FRMD1: variants seen among roughly 807,000 people sequenced by gnomAD.
The protein encoded by FRMD1 is FERM domain containing 1.
FRMD1 carries 51 observed loss-of-function variants against 54.9 expected under a neutral mutation model. The observed-to-expected ratio is 0.93, with a 90% CI of 0.74 to 1.17. The LOEUF is 1.17. Ranked by LOEUF, FRMD1 falls within the 50% of genes most tolerant of loss-of-function variation. The pLI, the probability that FRMD1 is intolerant of heterozygous loss-of-function variation, is 0.00. For missense variants in FRMD1, 729 were observed against 743.0 expected (o/e 0.98, Z 0.22); for synonymous variants, 324 against 306.4 (o/e 1.06, Z -0.60).
intron 10 of FRMD1, 33 bp from the exon 11 acceptor site, chr6:168,057,372 GC>G: frequency 6.3e-7 from 1 of 1,598,662 alleles, no homozygotes. Flanking sequence ...GAGGCCTGCT[GC>G]CCCCTCTCAC....
At chr6:168,084,833 C>A, upstream of FRMD1, among the ~76,000 whole-genome samples, 1 of 152,380 alleles carries the variant, frequency 6.6e-6, no homozygotes, top group South Asian at 2.1e-4. Context: ...CCTCCCACCT[C>A]ATTCCTCCCC....
intron 7 of FRMD1, chr6:168,062,629 T>C: frequency 6.5e-7 from 1 of 1,532,842 alleles, no homozygotes; most frequent in Non-Finnish European, 8.8e-7. Flanking sequence ...AAGCTGCATC[T>C]GCCCAGGCTT....
At chr6:168,074,174 C>T (rs540620088) in intron 2 of FRMD1, among the ~76,000 whole-genome samples, 5 of 152,248 alleles carry the variant, frequency 3.3e-5, no homozygotes, top group South Asian at 2.1e-4. Context: ...CACGGCTCTT[C>T]CATGCGACAC....
upstream of FRMD1, among the ~76,000 whole-genome samples, chr6:168,085,540 G>A (rs4708640): frequency 0.79 from 119,620 of 152,224 alleles, 47,081 homozygotes; most frequent in Middle Eastern, 0.85. Flanking sequence ...TCCCCAGGAC[G>A]GGCCACTGGG....
At chr6:168,087,271 G>T (rs1394064203) in intron 1 of FRMD1, among the ~76,000 whole-genome samples, 1 of 152,138 alleles carries the variant, frequency 6.6e-6, no homozygotes, top group Non-Finnish European at 1.5e-5. Context: ...GTTTCTCCAT[G>T]TTGCCCAGAC....
intron 1 of FRMD1, chr6:168,075,762 G>A (rs12529869): frequency 2.6e-6 from 4 of 1,550,482 alleles, no homozygotes; most frequent in African/African-American, 2.7e-5. Flanking sequence ...CAACTGATGC[G>A]AGTGATCCCA....
At chr6:168,075,698 G>T in intron 1 of FRMD1, 1 of 1,462,112 alleles carries the variant, frequency 6.8e-7, no homozygotes, top group Non-Finnish European at 9.4e-7. Flanking sequence ...CGGCACAAAT[G>T]AATGCTTGGT....
upstream of FRMD1, among the ~76,000 whole-genome samples, chr6:168,080,736 C>A (rs377274083): frequency 3.3e-5 from 5 of 151,946 alleles, no homozygotes; most frequent in African/African-American, 1.2e-4. Context: ...TGGGGAGAGC[C>A]GGGGACACGG....
rs368365156 is a variant in FRMD1 at position 168,063,584 on chromosome 6, G to A, written c.804+17C>T. 6.3e-7 allele frequency: 1 copy of A among 1,598,530 alleles called. No individual in the cohort carries two copies. The highest frequency in any genetic ancestry group is 8.5e-7 in the Non-Finnish European group (1 of 1,172,924). Reference sequence around the variant, plus strand: ...GGAGTCAGAGTCCAGCCCATCGCTGGCCGCCCTGGGCTCGACCTTGTGCAG... The same window carrying A: ...GGAGTCAGAGTCCAGCCCATCGCTGACCGCCCTGGGCTCGACCTTGTGCAG... On this transcript the variant is annotated intron_variant, in intron 6 of 10. Transcript: ENST00000283309.
chr6:168,088,892 C>T (rs952612763), intron 1 of FRMD1, among the ~76,000 whole-genome samples: 1 of 152,108 alleles, frequency 6.6e-6, no homozygotes, highest in Non-Finnish European at 1.5e-5. Flanking sequence ...TCCTTGTGTC[C>T]GTGTGACCCA....
At chr6:168,075,721 C>T (rs1229295035) in intron 1 of FRMD1, 6 of 1,527,684 alleles carry the variant, frequency 3.9e-6, no homozygotes, top group African/African-American at 1.4e-5. Context: ...CCCATGAGCG[C>T]GAGCATCGGT....
Position 168,060,874 on chromosome 6 carries a change from GAT to G in FRMD1, c.1227_1228del (p.Glu409AspfsTer17). The G allele has an allele frequency of 6.2e-7, 1 of 1,613,826 alleles. No homozygotes were observed. Among genetic ancestry groups the G allele is most frequent in the Non-Finnish European group, 8.5e-7 (1 of 1,180,030 alleles). On this transcript the variant is annotated frameshift_variant, in exon 9 of 11. Transcript: ENST00000283309. LOFTEE classifies it high-confidence loss of function. ...GGGCACGTCCACAGACATCTCTCTG[GAT>G]TCCCTGAGCCAGGAGTTGGCCTTGA...
intron 4 of FRMD1, chr6:168,066,269 C>T (rs917986709): frequency 2.3e-5 from 21 of 928,494 alleles, no homozygotes; most frequent in South Asian, 1.5e-4. Context: ...GAGGTCGAGG[C>T]GGGTGGATCA....
rs576315949 is a variant in FRMD1, at chr6:168,087,239, T to C, written c.-11-8215A>G. ...GAGCCACCATGCCCAGCTAATGTTT[T>C]GTATTTTTTGGTAGACACAGGGTTT... On this transcript the variant is annotated intron_variant, in intron 1 of 12. Coordinates refer to the FRMD1 transcript ENST00000644440. Among the ~76,000 whole-genome samples the C allele has an allele frequency of 7.9e-5, 12 of 152,270 alleles. No homozygotes were observed. In the South Asian group the frequency reaches 2.5e-3, roughly 32 times the overall value.
At chr6:168,082,585 T>C (rs987895305), upstream of FRMD1, among the ~76,000 whole-genome samples, 2 of 152,186 alleles carry the variant, frequency 1.3e-5, no homozygotes, top group Non-Finnish European at 2.9e-5. Flanking sequence ...CAGCACATTT[T>C]ACTCCTTTGG....
At chr6:168,070,166 T>C (rs1389816401) in intron 2 of FRMD1, among the ~76,000 whole-genome samples, 3 of 149,942 alleles carry the variant, frequency 2.0e-5, no homozygotes, top group African/African-American at 7.4e-5. Flanking sequence ...TAGCACTGCA[T>C]TCCAGCCTGG....
chr6:168,084,642 C>T (rs1426874583), upstream of FRMD1, among the ~76,000 whole-genome samples: 1 of 152,244 alleles, frequency 6.6e-6, no homozygotes, highest in Non-Finnish European at 1.5e-5. Flanking sequence ...GTGCAGGACC[C>T]GGCTCCCTCC....
chr6:168,058,056 T>C (rs1054153536), intron 10 of FRMD1, among the ~76,000 whole-genome samples: 1 of 152,256 alleles, frequency 6.6e-6, no homozygotes. Context: ...CTCCACTGAG[T>C]GGGCTGACCT....
chr6:168,061,078 A>C (rs1379051359), intron 8 of FRMD1, 21 bp from the exon 9 acceptor site: 1 of 1,594,132 alleles, frequency 6.3e-7, no homozygotes, highest in South Asian at 1.1e-5. Flanking sequence ...TGGGGAGCAC[A>C]GTGAGGGCGA....
Sources: allele counts gnomAD v4.1 joint callset (sites outside exome capture counted in the v4.1 genomes callset), GRCh38; gene constraint gnomAD v4.1.1; transcripts MANE v1.5; gene names NCBI Gene and HGNC (gene_info 2026-07-23, HGNC 2026-07-21).